Variants in CACNA1I observed in about 807,000 individuals in gnomAD.
CACNA1I encodes the protein voltage-dependent T-type calcium channel subunit alpha-1I.
In CACNA1I, 74 loss-of-function variants were observed where a neutral mutation model predicts 201.6. That is an observed-to-expected ratio of 0.37 (90% CI 0.30 to 0.45). The LOEUF (loss-of-function observed/expected upper bound fraction) is 0.45. CACNA1I is among the 20% of genes least tolerant of loss of function. The probability of loss-of-function intolerance (pLI) is 1.00; values close to 1 mark genes in which losing one functional copy is unlikely to be tolerated. For missense variants in CACNA1I, 2,346 were observed against 3,138.1 expected (o/e 0.75, Z 6.03); for synonymous variants, 1,431 against 1,345.2 (o/e 1.06, Z -1.40).
At position 39,600,594 on chromosome 22, in the gene CACNA1I, C is replaced by T. The variant is rs1569055860; in HGVS notation, c.423C>T (p.Gly141=). ...VLKMVALGIF[G]KKCYLGDTWN... ...AGATGGTGGCCCTGGGGATTTTTGG[C>T]AAGAAGTGCTACCTCGGGGACACAT... The change falls in exon 3 of 37, where the codon GGC becomes GGT. Residue 141 remains glycine, a synonymous_variant. Transcript: ENST00000402142. The T allele has an allele frequency of 6.2e-7, 1 of 1,611,342 alleles. No homozygotes were observed. Among genetic ancestry groups the T allele is most frequent in the East Asian group, 2.2e-5 (1 of 44,684 alleles).
chr22:39,656,382 C>A (rs761335843), intron 10 of CACNA1I: 1 of 518,690 alleles, frequency 1.9e-6, no homozygotes, highest in Non-Finnish European at 3.9e-6. Context: ...TGCTCCCTGG[C>A]GCCAGCTCTC....
At chr22:39,674,230 G>A (rs1039178280) in intron 29 of CACNA1I, among the ~76,000 whole-genome samples, 197 bp downstream of exon 29, 3 of 151,616 alleles carry the variant, frequency 2.0e-5, no homozygotes, top group Non-Finnish European at 4.4e-5. Context: ...GTTTCACCAT[G>A]TGGTTGCCAG....
chr22:39,627,384 A>G (rs1334157165), intron 4 of CACNA1I, among the ~76,000 whole-genome samples: 3 of 152,226 alleles, frequency 2.0e-5, no homozygotes, highest in Non-Finnish European at 2.9e-5. Context: ...TCAGCCGCAC[A>G]GTCTGCAGGA....
chr22:39,614,324 G>A lies in CACNA1I; in HGVS notation c.483-4986G>A, dbSNP rs1933468802. 5.9e-5 allele frequency among the ~76,000 whole-genome samples: 9 copies of A among 152,334 alleles called. No homozygotes were observed. In the South Asian group the frequency reaches 1.7e-3, roughly 28 times the overall value. On this transcript the variant is annotated intron_variant, in intron 3 of 36. Coordinates refer to ENST00000402142, the MANE Select transcript of CACNA1I (RefSeq NM_021096.4). ...AGTTGACAGAAACACAGTACAAGCA[G>A]GACCTAGAACCCAAAAGGAAGGCAC...
At chr22:39,610,950 G>A (rs1429216127) in intron 3 of CACNA1I, among the ~76,000 whole-genome samples, 3 of 152,120 alleles carry the variant, frequency 2.0e-5, no homozygotes, top group African/African-American at 7.2e-5. Context: ...AATCACTGAG[G>A]GTAGGGTGGG....
At chr22:39,661,620 C>T (rs1407453960) in intron 16 of CACNA1I, among the ~76,000 whole-genome samples, 4 of 152,268 alleles carry the variant, frequency 2.6e-5, no homozygotes. Context: ...CCTTCTGCCA[C>T]TTCCAAGCTG....
intron 1 of CACNA1I, among the ~76,000 whole-genome samples, chr22:39,579,621 G>T (rs1229036658): frequency 6.6e-6 from 1 of 151,364 alleles, no homozygotes; most frequent in Non-Finnish European, 1.5e-5. Flanking sequence ...TGGAGAGAGA[G>T]GGAGTGGTGC....
intron 24 of CACNA1I, 32 bp downstream of exon 24, chr22:39,668,413 A>C: frequency 7.0e-7 from 1 of 1,425,028 alleles, no homozygotes; most frequent in African/African-American, 1.4e-5. Flanking sequence ...CCAAGCCTTG[A>C]TGCAGGGAGG....
rs908081368 is a variant in CACNA1I at position 39,648,217 on chromosome 22, C to G, written c.1567+291C>G. On this transcript the variant is annotated intron_variant, in intron 9 of 36. Coordinates refer to ENST00000402142, the MANE Select transcript of CACNA1I (RefSeq NM_021096.4). The surrounding 1 kb of genome is among the most constrained non-coding windows in gnomAD (Gnocchi z 5.4). The stretch of plus-strand genomic sequence containing the variant: ...GAAGAATGCACGCTCAGAGCTGCCG[C>G]CCACCCGTCCTCGGGTGCCAGCCAT... Among the ~76,000 whole-genome samples, 6 of 152,094 alleles carry G rather than the reference C, an allele frequency of 3.9e-5. No individual in the cohort carries two copies. Among genetic ancestry groups the G allele is most frequent in the African/African-American group, 1.4e-4 (6 of 41,420 alleles).
chr22:39,614,277 A>G (rs1933467423), intron 3 of CACNA1I, among the ~76,000 whole-genome samples: 1 of 152,088 alleles, frequency 6.6e-6, no homozygotes, highest in Admixed American at 6.6e-5. Context: ...ACCTTTCTAA[A>G]CCAACCGGGA....
intron 7 of CACNA1I, among the ~76,000 whole-genome samples, chr22:39,643,896 C>A (rs1470856935): frequency 1.3e-5 from 2 of 152,258 alleles, no homozygotes; most frequent in African/African-American, 2.4e-5. Flanking sequence ...GTGCTAGGAA[C>A]AGAGCAGTGA....
chr22:39,686,627 C>CATATATATATATATATATATATAT lies in CACNA1I; in HGVS notation c.*225_*248dup, dbSNP rs72041195. On this transcript the variant is annotated 3_prime_UTR_variant, in exon 37 of 37. Coordinates refer to ENST00000402142, the MANE Select transcript of CACNA1I (RefSeq NM_021096.4). ...ATACATACATATATATATATATATG[C>CATATATATATATATATATATATAT]ATATATATATATATATATATATATA... 148 of 126,958 alleles carry CATATATATATATATATATATATAT rather than the reference C, an allele frequency of 1.2e-3. 1 individual carries two copies. Among genetic ancestry groups the CATATATATATATATATATATATAT allele is most frequent in the Admixed American group, 3.4e-3 (41 of 12,090 alleles). 7.9% of individuals were successfully genotyped at this position (126,958 alleles called of 1,614,324 possible).
chr22:39,642,129 G>A (rs891505048), intron 6 of CACNA1I, among the ~76,000 whole-genome samples: 1 of 152,156 alleles, frequency 6.6e-6, no homozygotes, highest in Non-Finnish European at 1.5e-5. Context: ...GCTGCCCTGG[G>A]CACTTTGCCC....
intron 3 of CACNA1I, among the ~76,000 whole-genome samples, chr22:39,616,120 G>A (rs920126676): frequency 1.3e-5 from 2 of 152,314 alleles, no homozygotes; most frequent in South Asian, 4.1e-4. Flanking sequence ...CATGTATGGC[G>A]TGAAGGAAAG....
chr22:39,675,083 C>T (rs538428732), intron 29 of CACNA1I, among the ~76,000 whole-genome samples: 5 of 152,172 alleles, frequency 3.3e-5, no homozygotes, highest in Admixed American at 1.3e-4. Context: ...CAGGCTGTGC[C>T]GACAGGAAGT....
chr22:39,583,381 CA>C (rs1246147828), intron 1 of CACNA1I, among the ~76,000 whole-genome samples: 2 of 151,464 alleles, frequency 1.3e-5, no homozygotes, highest in Non-Finnish European at 1.5e-5. Context: ...TCCATCCATC[CA>C]TCCATCCATC....
Position 39,648,907 on chromosome 22 carries a change from C to T in CACNA1I, c.1568-594C>T, listed in dbSNP as rs1346267187. On this transcript the variant is annotated intron_variant, in intron 9 of 36. Transcript: ENST00000402142. This position sits in a 1 kb window ranked among gnomAD's most constrained non-coding sequence, Gnocchi z 5.4. The stretch of plus-strand genomic sequence containing the variant: ...AGGGGCCCTTCCTGCCCGCTGCCCC[C>T]ACCTCCACCCCTTGCGTGGAGGGAA... Among the ~76,000 whole-genome samples, 2 of 152,042 alleles carry T rather than the reference C, an allele frequency of 1.3e-5. No individual in the cohort carries two copies. Among genetic ancestry groups the T allele is most frequent in the African/African-American group, 4.8e-5 (2 of 41,404 alleles).
intron 1 of CACNA1I, among the ~76,000 whole-genome samples, chr22:39,594,218 G>A (rs971573227): frequency 6.6e-6 from 1 of 152,138 alleles, no homozygotes; most frequent in Non-Finnish European, 1.5e-5. Context: ...TGGGCCTGCT[G>A]ACCTCCACTG....
rs1157361002 is a variant in CACNA1I at position 39,659,670 on chromosome 22, C to G, written c.2449-27C>G. On this transcript the variant is annotated intron_variant, in intron 13 of 36. Coordinates refer to ENST00000402142, the MANE Select transcript of CACNA1I (RefSeq NM_021096.4). This position sits in a 1 kb window ranked among gnomAD's most constrained non-coding sequence, Gnocchi z 4.3. ...AGCCTAGCCCTGGACTAGGGGTACCCCAGGGCTAACTGTGTCTCCCCAACA... is the reference window on the plus strand; with the variant it reads ...AGCCTAGCCCTGGACTAGGGGTACCGCAGGGCTAACTGTGTCTCCCCAACA... 6.2e-7 allele frequency: 1 copy of G among 1,613,456 alleles called. No individual in the cohort carries two copies. The highest frequency in any genetic ancestry group is 2.2e-5 in the East Asian group (1 of 44,882).
Sources: gnomAD v4.1 joint callset for allele counts (sites outside exome capture counted in the v4.1 genomes callset) on GRCh38, gnomAD v4.1.1 for gene constraint, Gnocchi (gnomAD v3.1) non-coding constraint, MANE v1.5 for transcripts, NCBI Gene and HGNC (gene_info 2026-07-23, HGNC 2026-07-21) for gene names.